The following NPR3 variants were observed in gnomAD, a reference collection of about 807,000 sequenced individuals.
NPR3 encodes the protein atrial natriuretic peptide receptor 3.
In NPR3, 34 loss-of-function variants were observed where a neutral mutation model predicts 54.5. That is an observed-to-expected ratio of 0.62 (90% confidence interval 0.47 to 0.83). The LOEUF (loss-of-function observed/expected upper bound fraction) is 0.83, where lower values mean the gene tolerates loss of function less well. NPR3 is among the 40% of genes least tolerant of loss of function. The pLI, the probability that NPR3 is intolerant of heterozygous loss-of-function variation, is 0.00. For synonymous variants in NPR3, 289 were observed against 297.1 expected, an observed-to-expected ratio of 0.97 and a Z score of 0.28; for missense variants, 674 against 720.8, an observed-to-expected ratio of 0.94 and a Z score of 0.74.
At chr5:32,723,291 G>C (rs1738961691) in intron 1 of NPR3, among the ~76,000 whole-genome samples, 1 of 152,158 alleles carries the variant, frequency 6.6e-6, no homozygotes, top group Non-Finnish European at 1.5e-5. Context: ...CAAATAGACT[G>C]GGTAATGGTC....
intron 3 of NPR3, among the ~76,000 whole-genome samples, chr5:32,748,025 A>G (rs1409993453): frequency 1.3e-5 from 2 of 152,148 alleles, no homozygotes; most frequent in Admixed American, 6.5e-5. Flanking sequence ...CAGTTCTGGG[A>G]TTACAGGTAT....
chr5:32,692,735 A>G (rs867433312), intron 1 of NPR3, among the ~76,000 whole-genome samples: 1 of 152,230 alleles, frequency 6.6e-6, no homozygotes, highest in Non-Finnish European at 1.5e-5. Context: ...TTTCCTCATT[A>G]CCTTAAATTT....
At chr5:32,710,958 G>T (rs1009343887), upstream of NPR3, among the ~76,000 whole-genome samples, 57 of 147,944 alleles carry the variant, frequency 3.9e-4, no homozygotes, top group Admixed American at 9.0e-4. Flanking sequence ...TTTAAAGCAC[G>T]TTTCCTTTTT....
Position 32,695,526 on chromosome 5 carries a change from C to A in NPR3, c.100+6340C>A, listed in dbSNP as rs567434543. Among the ~76,000 whole-genome samples the A allele has an allele frequency of 1.4e-4, 21 of 152,330 alleles. No individual in the cohort carries two copies. In the South Asian group the frequency reaches 4.1e-3, roughly 30 times the overall value. ...CTCGTGATCTGTCCGCCTTGGCCTC[C>A]CAAAATGCTGGGATTACAGGCGTAA... On this transcript the variant is annotated intron_variant, in intron 1 of 5. Transcript: ENST00000509104.
At chr5:32,733,171 A>C (rs1304299413) in intron 2 of NPR3, among the ~76,000 whole-genome samples, 1 of 151,958 alleles carries the variant, frequency 6.6e-6, no homozygotes, top group Non-Finnish European at 1.5e-5. Flanking sequence ...GTCACTACTT[A>C]CTTGATGTTG....
chr5:32,778,824 T>G (rs900663290), intron 4 of NPR3, among the ~76,000 whole-genome samples: 6 of 152,186 alleles, frequency 3.9e-5, no homozygotes, highest in African/African-American at 1.4e-4. Flanking sequence ...TAGGGCCACC[T>G]CATCTTATAA....
upstream of NPR3, chr5:32,710,858 G>T: frequency 8.6e-6 from 9 of 1,047,724 alleles, no homozygotes; most frequent in South Asian, 3.8e-5. Context: ...CCCCAGTCCT[G>T]GTTTTTTTTT....
At chr5:32,753,624 C>CTTTT (rs70961660) in intron 3 of NPR3, among the ~76,000 whole-genome samples, 4 of 102,788 alleles carry the variant, frequency 3.9e-5, no homozygotes, top group Non-Finnish European at 7.6e-5. Flanking sequence ...TCTCAGCATC[C>CTTTT]TTTTTTTTTT....
chr5:32,789,821 C>A lies in NPR3; in HGVS notation c.*3476C>A. ...AAGTAGGTTCCAGTGGCGTCACTAC[C>A]TTCTTGTAAGCCAGTATACACTGGC... On this transcript the variant is annotated 3_prime_UTR_variant, in exon 8 of 8. Coordinates refer to ENST00000265074, the MANE Select transcript of NPR3 (RefSeq NM_001204375.2). 1 of 487,588 alleles carries A rather than the reference C, an allele frequency of 2.1e-6. No homozygotes were observed. Among genetic ancestry groups the A allele is most frequent in the Non-Finnish European group, 4.2e-6 (1 of 239,082 alleles). The allele number at this position is 487,588 out of a possible 1,614,324, so 30.2% of individuals were successfully genotyped here.
upstream of NPR3, among the ~76,000 whole-genome samples, chr5:32,708,909 G>A (rs908778376): frequency 6.6e-6 from 1 of 150,438 alleles, no homozygotes. Context: ...GCATAACACT[G>A]GCTTTTTTTT....
chr5:32,753,953 C>T (rs1389959282), intron 3 of NPR3, among the ~76,000 whole-genome samples: 1 of 152,194 alleles, frequency 6.6e-6, no homozygotes, highest in African/African-American at 2.4e-5. Flanking sequence ...AGCAATATTA[C>T]TCTGCACTTT....
intron 4 of NPR3, among the ~76,000 whole-genome samples, chr5:32,776,672 A>G (rs897233752): frequency 2.0e-5 from 3 of 152,126 alleles, no homozygotes; most frequent in Non-Finnish European, 4.4e-5. Flanking sequence ...CATTCAACAA[A>G]TGTTCATTGA....
Sources: gnomAD v4.1 joint callset for allele counts (sites outside exome capture counted in the v4.1 genomes callset) on GRCh38, gnomAD v4.1.1 for gene constraint, MANE v1.5 for transcripts, NCBI Gene and HGNC (gene_info 2026-07-23, HGNC 2026-07-21) for gene names.